MACROD2: variants seen among roughly 807,000 people sequenced by gnomAD.
MACROD2 encodes mono-ADP ribosylhydrolase 2.
Under a neutral mutation model 70.4 loss-of-function variants are expected in MACROD2, and 36 were observed. That is an observed-to-expected ratio of 0.51 (90% CI 0.39 to 0.68). The LOEUF (loss-of-function observed/expected upper bound fraction) is 0.68, where lower values mean the gene tolerates loss of function less well. Ranked by LOEUF, MACROD2 falls within the 30% of genes least tolerant of loss-of-function variation. The pLI, the probability that MACROD2 is intolerant of heterozygous loss-of-function variation, is 0.00. For missense variants in MACROD2, 496 were observed against 538.4 expected, an observed-to-expected ratio of 0.92 and a Z score of 0.78; for synonymous variants, 172 against 178.8, an observed-to-expected ratio of 0.96 and a Z score of 0.30.
intron 5 of MACROD2, among the ~76,000 whole-genome samples, chr20:15,123,110 G>A (rs1385625116): frequency 6.6e-6 from 1 of 152,100 alleles, no homozygotes; most frequent in Non-Finnish European, 1.5e-5. Context: ...GTGCTCAGTA[G>A]CCACATATGA....
At chr20:14,829,726 T>C (rs2122231623) in intron 5 of MACROD2, among the ~76,000 whole-genome samples, 1 of 152,288 alleles carries the variant, frequency 6.6e-6, no homozygotes, top group East Asian at 1.9e-4. Context: ...ATATGTGGCC[T>C]TTGAATGCAA....
At chr20:15,739,464 C>T (rs1281171542) in intron 8 of MACROD2, among the ~76,000 whole-genome samples, 2 of 152,042 alleles carry the variant, frequency 1.3e-5, no homozygotes, top group Non-Finnish European at 2.9e-5. Context: ...AGAAGAGACA[C>T]ATGAAGATGC....
chr20:15,429,522 T>G (rs2046339257), intron 6 of MACROD2, among the ~76,000 whole-genome samples: 1 of 152,050 alleles, frequency 6.6e-6, no homozygotes, highest in Non-Finnish European at 1.5e-5. Context: ...TCACATAAAT[T>G]TTGACGTTTT....
intron 4 of MACROD2, among the ~76,000 whole-genome samples, chr20:14,517,533 G>T: frequency 6.6e-6 from 1 of 152,080 alleles, no homozygotes; most frequent in South Asian, 2.1e-4. Context: ...ACCGGGGCCT[G>T]TCAGTGGGTG....
At chr20:15,648,896 G>T (rs1314736768) in intron 8 of MACROD2, among the ~76,000 whole-genome samples, 1 of 152,092 alleles carries the variant, frequency 6.6e-6, no homozygotes, top group Admixed American at 6.5e-5. Flanking sequence ...TCTTTACTTA[G>T]TCTATAAAGA....
chr20:15,570,479 A>G (rs1368098961), intron 8 of MACROD2, among the ~76,000 whole-genome samples: 1 of 152,198 alleles, frequency 6.6e-6, no homozygotes, highest in East Asian at 1.9e-4. Flanking sequence ...GTTATGAACG[A>G]CTGAGAACCC....
chr20:14,755,488 A>C (rs535112380), intron 5 of MACROD2, among the ~76,000 whole-genome samples: 1 of 152,222 alleles, frequency 6.6e-6, no homozygotes, highest in African/African-American at 2.4e-5. Flanking sequence ...TGCAGCCCTC[A>C]TGAGCATTGG....
chr20:14,540,449 A>G (rs1251743594), intron 4 of MACROD2, among the ~76,000 whole-genome samples: 1 of 152,174 alleles, frequency 6.6e-6, no homozygotes, highest in Non-Finnish European at 1.5e-5. Context: ...ATTAAACAGA[A>G]AAAGAGAGTT....
At chr20:14,540,842 G>C (rs2085423666) in intron 4 of MACROD2, among the ~76,000 whole-genome samples, 1 of 152,106 alleles carries the variant, frequency 6.6e-6, no homozygotes, top group South Asian at 2.1e-4. Flanking sequence ...GAGGCTCAAG[G>C]AAAGAAAAAT....
chr20:15,236,063 G>A (rs1190696114), intron 6 of MACROD2, among the ~76,000 whole-genome samples: 3 of 152,142 alleles, frequency 2.0e-5, no homozygotes, highest in Non-Finnish European at 4.4e-5. Context: ...TTGCATTTGT[G>A]CATCACTCTA....
At chr20:14,316,435 G>A (rs1370861943) in intron 3 of MACROD2, among the ~76,000 whole-genome samples, 1 of 152,172 alleles carries the variant, frequency 6.6e-6, no homozygotes, top group Non-Finnish European at 1.5e-5. Flanking sequence ...TACTGATGAA[G>A]TATTTCTGGT....
intron 4 of MACROD2, among the ~76,000 whole-genome samples, chr20:14,543,584 T>C (rs2085458353): frequency 6.6e-6 from 1 of 152,206 alleles, no homozygotes; most frequent in Non-Finnish European, 1.5e-5. Context: ...TCCATACATT[T>C]AGAAACTTCT....
At position 14,926,149 on chromosome 20, in the gene MACROD2, T is replaced by C. The variant is rs74865902; in HGVS notation, c.418+241190T>C. 8.3e-3 allele frequency among the ~76,000 whole-genome samples: 1,259 copies of C among 151,920 alleles called. 23 individuals carry two copies. The highest frequency in any genetic ancestry group is 0.029 in the African/African-American group (1,192 of 41,476). Reference sequence around the variant, plus strand: ...CTGTCCTGTTGCCATCTTCACACTTTTGCCTAAATGCAGAGTTTGTTTGTT... The same window carrying C: ...CTGTCCTGTTGCCATCTTCACACTTCTGCCTAAATGCAGAGTTTGTTTGTT... On this transcript the variant is annotated intron_variant, in intron 5 of 17. Coordinates refer to ENST00000684519, the MANE Select transcript of MACROD2 (RefSeq NM_001351661.2).
At chr20:14,071,660 T>A (rs2053844699) in intron 2 of MACROD2, among the ~76,000 whole-genome samples, 1 of 152,248 alleles carries the variant, frequency 6.6e-6, no homozygotes, top group Admixed American at 6.5e-5. Flanking sequence ...TTTGCTTTTC[T>A]TGTTCCAACA....
chr20:14,073,296 A>G (rs1376018172), intron 2 of MACROD2, among the ~76,000 whole-genome samples: 2 of 152,070 alleles, frequency 1.3e-5, no homozygotes, highest in Non-Finnish European at 2.9e-5. Context: ...AGATCATGCC[A>G]TCACACTCCA....
chr20:15,015,325 T>C (rs1310430906), intron 5 of MACROD2, among the ~76,000 whole-genome samples: 1 of 152,164 alleles, frequency 6.6e-6, no homozygotes, highest in Non-Finnish European at 1.5e-5. Context: ...ACTTATCTAA[T>C]TGAACTTTCA....
At chr20:15,403,425 AAGGAGGAGGAGGAGGACGAGG>A (rs141164744) in intron 6 of MACROD2, among the ~76,000 whole-genome samples, 7,970 of 151,452 alleles carry the variant, frequency 0.053, 229 homozygotes, top group Middle Eastern at 0.075. Context: ...AGAGAAGAAG[AAGGAGGAGGAGGAGGACGAGG>A]AGGAGGAGGA....
intron 5 of MACROD2, among the ~76,000 whole-genome samples, chr20:14,862,593 AT>A (rs2073372214): frequency 2.2e-5 from 1 of 45,534 alleles, no homozygotes; most frequent in Non-Finnish European, 4.0e-5. Context: ...GTATAAATAT[AT>A]ATATAAATAT....
intron 5 of MACROD2, among the ~76,000 whole-genome samples, chr20:15,064,943 G>A (rs1230663937): frequency 6.6e-6 from 1 of 152,100 alleles, no homozygotes; most frequent in East Asian, 1.9e-4. Context: ...AGCACATCCT[G>A]TTCCATATCA....
Sources: allele counts gnomAD v4.1 joint callset (sites outside exome capture counted in the v4.1 genomes callset), GRCh38; gene constraint gnomAD v4.1.1; transcripts MANE v1.5; gene names NCBI Gene and HGNC (gene_info 2026-07-23, HGNC 2026-07-21).